The following LHFPL1 variants were observed in gnomAD, a reference collection of about 807,000 sequenced individuals.
LHFPL1 encodes LHFPL tetraspan subfamily member 1, also known as LHFPL tetraspan subfamily member 1 protein.
In LHFPL1, 4 loss-of-function variants were observed where a neutral mutation model predicts 12.1. The ratio of observed to expected loss-of-function variants is 0.33; its 90% CI spans 0.16 to 0.76. The LOEUF is 0.76. LHFPL1 is among the 30% of genes least tolerant of loss of function. The pLI, the probability that LHFPL1 is intolerant of heterozygous loss-of-function variation, is 0.61. For missense variants in LHFPL1, 141 were observed against 174.1 expected (o/e 0.81, Z 1.07); for synonymous variants, 52 against 61.9 (o/e 0.84, Z 0.75).
At position 112,631,197 on chromosome X, in the gene LHFPL1, C is replaced by G. The variant is rs1221367851; in HGVS notation, c.*223G>C. On this transcript the variant is annotated 3_prime_UTR_variant, in exon 4 of 4. Transcript: ENST00000371968. The stretch of plus-strand genomic sequence containing the variant: ...TGGGTCTTCGGGTTAGCACGACTTG[C>G]CAGTTGGGTAAATGTCTGAGAATGT... 2 of 323,175 alleles carry G rather than the reference C, an allele frequency of 6.2e-6. No individual in the cohort carries two copies. The highest frequency in any genetic ancestry group is 1.1e-5 in the Non-Finnish European group (2 of 184,860). The allele number at this position is 323,175 out of a possible 1,213,427, so 26.6% of individuals were successfully genotyped here.
At chrX:112,637,409 T>C (rs1196864075) in intron 3 of LHFPL1, among the ~76,000 whole-genome samples, 1 of 111,674 alleles carries the variant, frequency 9.0e-6, no homozygotes, top group African/African-American at 3.3e-5. Flanking sequence ...CAATGGGTCA[T>C]GATGAGCTAT....
At chrX:112,678,375 C>T (rs1191766216) in intron 1 of LHFPL1, among the ~76,000 whole-genome samples, 1 of 111,918 alleles carries the variant, frequency 8.9e-6, no homozygotes, top group Non-Finnish European at 1.9e-5. Flanking sequence ...AGACAGGTGC[C>T]ATCATCTTCA....
chrX:112,653,060 G>A (rs1397273228), intron 3 of LHFPL1, among the ~76,000 whole-genome samples: 3 of 111,918 alleles, frequency 2.7e-5, no homozygotes, highest in African/African-American at 9.7e-5. Context: ...TCTACCAGCT[G>A]AGTGAGTGAA....
At chrX:112,652,327 G>A (rs752432040) in intron 3 of LHFPL1, among the ~76,000 whole-genome samples, 1 of 111,860 alleles carries the variant, frequency 8.9e-6, no homozygotes, top group Non-Finnish European at 1.9e-5. Flanking sequence ...AAAGCCTACG[G>A]TGTGTGATCT....
chrX:112,658,267 A>T (rs983195539), intron 3 of LHFPL1, among the ~76,000 whole-genome samples: 2 of 109,652 alleles, frequency 1.8e-5, no homozygotes, highest in Non-Finnish European at 3.8e-5. Context: ...CTCCTAAAAA[A>T]TACAAAAATT....
intron 3 of LHFPL1, among the ~76,000 whole-genome samples, chrX:112,656,266 T>G (rs1205657264): frequency 9.0e-6 from 1 of 111,529 alleles, no homozygotes; most frequent in African/African-American, 3.3e-5. Context: ...AAAAATTACA[T>G]GATTATCTCA....
At chrX:112,678,268 T>C (rs909209174) in intron 1 of LHFPL1, among the ~76,000 whole-genome samples, 1 of 111,464 alleles carries the variant, frequency 9.0e-6, no homozygotes, top group Non-Finnish European at 1.9e-5. Context: ...TCTCCTTCCC[T>C]CTCCCCAAGA....
At chrX:112,645,249 A>C (rs1416428219) in intron 3 of LHFPL1, among the ~76,000 whole-genome samples, 1 of 112,424 alleles carries the variant, frequency 8.9e-6, no homozygotes, top group Non-Finnish European at 1.9e-5. Flanking sequence ...AATCCTCATT[A>C]ATGGAGGCTT....
At chrX:112,667,144 G>A (rs915748547) in intron 2 of LHFPL1, among the ~76,000 whole-genome samples, 1 of 112,013 alleles carries the variant, frequency 8.9e-6, no homozygotes, top group African/African-American at 3.2e-5. Context: ...TTAGAAACAT[G>A]GCACTCTTCC....
At chrX:112,664,438 T>G (rs989822561) in intron 2 of LHFPL1, among the ~76,000 whole-genome samples, 1 of 112,190 alleles carries the variant, frequency 8.9e-6, no homozygotes, top group South Asian at 3.8e-4. Context: ...TGAACAGGGC[T>G]TGATTCAAAA....
chrX:112,671,295 CCAG>C lies in LHFPL1; in HGVS notation c.93_95del (p.Tyr31_Trp32delinsTer), dbSNP rs753091296. On this transcript the variant is annotated stop_gained and inframe_deletion, in exon 2 of 4. Coordinates refer to ENST00000371968, the MANE Select transcript of LHFPL1 (RefSeq NM_178175.4). LOFTEE classifies it high-confidence loss of function. ...GCTTCCCCATCTGGGATCCAAAGAGCCAGTAAGGTAGGAAGTAACTGGTAGAAC... is the reference window on the plus strand; with the variant it reads ...GCTTCCCCATCTGGGATCCAAAGAGCTAAGGTAGGAAGTAACTGGTAGAAC... 4 of 1,211,955 alleles carry C rather than the reference CCAG, an allele frequency of 3.3e-6. No individual in the cohort carries two copies. Among genetic ancestry groups the C allele is most frequent in the Non-Finnish European group, 4.5e-6 (4 of 895,569 alleles).
chrX:112,637,243 A>T (rs5929422), intron 3 of LHFPL1, among the ~76,000 whole-genome samples: 27,387 of 111,231 alleles, frequency 0.25, 3,672 homozygotes, highest in African/African-American at 0.51. Flanking sequence ...ATCAAATTGG[A>T]TTGGAATTTG....
At chrX:112,654,980 A>G (rs1336233274) in intron 3 of LHFPL1, among the ~76,000 whole-genome samples, 1 of 111,966 alleles carries the variant, frequency 8.9e-6, no homozygotes, top group Non-Finnish European at 1.9e-5. Flanking sequence ...CTTCACTCAC[A>G]TGTCTAGTGC....
At position 112,631,721 on chromosome X, in the gene LHFPL1, T is replaced by C. The variant is rs923656776; in HGVS notation, c.482-120A>G. On this transcript the variant is annotated intron_variant, in intron 3 of 3. Coordinates refer to ENST00000371968, the MANE Select transcript of LHFPL1 (RefSeq NM_178175.4). ...TTTATACATTCTCTTTGGGATGCTATGGTTAGGGTGAGAATAGGAAACAGC... is the reference window on the plus strand; with the variant it reads ...TTTATACATTCTCTTTGGGATGCTACGGTTAGGGTGAGAATAGGAAACAGC... 10 of 473,048 alleles carry C rather than the reference T, an allele frequency of 2.1e-5. No individual in the cohort carries two copies. In the African/African-American group the frequency reaches 2.2e-4, roughly 10 times the overall value. 39.0% of individuals were successfully genotyped at this position (473,048 alleles called of 1,213,427 possible).
intron 3 of LHFPL1, among the ~76,000 whole-genome samples, chrX:112,659,175 T>C (rs1417174566): frequency 8.9e-6 from 1 of 111,807 alleles, no homozygotes; most frequent in Non-Finnish European, 1.9e-5. Flanking sequence ...ATGAAAATGT[T>C]CTGGGGCAGG....
At chrX:112,668,210 T>C (rs1931391762) in intron 2 of LHFPL1, among the ~76,000 whole-genome samples, 1 of 112,145 alleles carries the variant, frequency 8.9e-6, no homozygotes, top group Non-Finnish European at 1.9e-5. Context: ...CAGCCTTGGT[T>C]TCCTTCCACT....
At chrX:112,633,227 G>C (rs1410186186) in intron 3 of LHFPL1, among the ~76,000 whole-genome samples, 1 of 112,156 alleles carries the variant, frequency 8.9e-6, no homozygotes, top group Non-Finnish European at 1.9e-5. Flanking sequence ...ATTTCAGTAT[G>C]TGTGATTTAG....
chrX:112,676,597 C>T (rs1372221096), intron 1 of LHFPL1, among the ~76,000 whole-genome samples: 3 of 112,087 alleles, frequency 2.7e-5, no homozygotes, highest in Non-Finnish European at 5.6e-5. Context: ...TTACTAAAGC[C>T]TAATGTTTGC....
chrX:112,665,328 T>A (rs903122775), intron 2 of LHFPL1, among the ~76,000 whole-genome samples: 1 of 110,663 alleles, frequency 9.0e-6, no homozygotes, highest in Non-Finnish European at 1.9e-5. Flanking sequence ...GTAGCTGGGA[T>A]TATAAGTGCG....
Sources: allele counts gnomAD v4.1 joint callset (sites outside exome capture counted in the v4.1 genomes callset), GRCh38; gene constraint gnomAD v4.1.1; transcripts MANE v1.5; gene names NCBI Gene and HGNC (gene_info 2026-07-23, HGNC 2026-07-21).